GALNT2: variants seen among roughly 807,000 people sequenced by gnomAD.
GALNT2 encodes the protein UDP-GalNAc:polypeptide N-acetylgalactosaminyltransferase 2.
In GALNT2, 31 loss-of-function variants were observed where a neutral mutation model predicts 81.4. The observed-to-expected ratio is 0.38, with a 90% CI of 0.29 to 0.51. GALNT2 has a LOEUF of 0.51. GALNT2 is among the 20% of genes least tolerant of loss of function. The pLI is 0.87. For missense variants in GALNT2, 629 were observed against 765.7 expected (o/e 0.82, Z 2.11); for synonymous variants, 303 against 287.4 (o/e 1.05, Z -0.55).
intron 1 of GALNT2, among the ~76,000 whole-genome samples, chr1:230,077,279 T>A (rs972754225): frequency 2.0e-5 from 3 of 152,204 alleles, no homozygotes; most frequent in Non-Finnish European, 1.5e-5. Flanking sequence ...CGCACTCTCC[T>A]TCCCCTCCTG....
chr1:230,187,270 C>A (rs568159041), intron 2 of GALNT2, among the ~76,000 whole-genome samples: 6 of 152,368 alleles, frequency 3.9e-5, no homozygotes, highest in Middle Eastern at 3.4e-3. Context: ...CTCCCACACA[C>A]ATATGTATTA....
At position 230,183,384 on chromosome 1, in the gene GALNT2, G is replaced by A. The variant is rs139736874; in HGVS notation, c.220+5073G>A. Among the ~76,000 whole-genome samples, 102 of 151,610 alleles carry A rather than the reference G, an allele frequency of 6.7e-4. No individual in the cohort carries two copies. The East Asian group carries it at 0.017, about 25-fold the overall frequency. On this transcript the variant is annotated intron_variant, in intron 2 of 15. Transcript: ENST00000366672. ...TTTCACACTTTTTCTGCCTTTTGTC[G>A]TTTTAATTGAGCTTTCTGTATGATC... is the stretch of plus-strand genomic sequence containing the variant.
Position 230,280,001 on chromosome 1 carries a change from C to T in GALNT2, c.*543C>T, listed in dbSNP as rs1192275029. 11 of 456,066 alleles carry T rather than the reference C, an allele frequency of 2.4e-5. No individual in the cohort carries two copies. In the East Asian group the frequency reaches 6.2e-4, roughly 26 times the overall value. The allele number at this position is 456,066 out of a possible 1,614,324, so 28.3% of individuals were successfully genotyped here. A position where few individuals can be genotyped will look rare whatever the true frequency, so the allele number is the denominator to read the frequency against. On this transcript the variant is annotated 3_prime_UTR_variant, in exon 16 of 16. Coordinates refer to ENST00000366672, the MANE Select transcript of GALNT2 (RefSeq NM_004481.5). ...AAGTGTCTTCCTGGGCCAGACTCCC[C>T]TCCACCTCATGTACTTGCTATATTG... is the stretch of plus-strand genomic sequence containing the variant.
chr1:230,074,886 T>C (rs1315698516), intron 1 of GALNT2, among the ~76,000 whole-genome samples: 1 of 152,146 alleles, frequency 6.6e-6, no homozygotes, highest in African/African-American at 2.4e-5. Context: ...GGTTGTCTGG[T>C]GGAAGAGATC....
intron 3 of GALNT2, among the ~76,000 whole-genome samples, chr1:230,234,257 T>G (rs968529316): frequency 2.6e-5 from 4 of 152,070 alleles, no homozygotes; most frequent in African/African-American, 9.7e-5. Flanking sequence ...AGTCCCTCCC[T>G]GTGCTTCTGA....
At chr1:230,162,082 T>G (rs1662453565) in intron 1 of GALNT2, among the ~76,000 whole-genome samples, 1 of 152,206 alleles carries the variant, frequency 6.6e-6, no homozygotes, top group South Asian at 2.1e-4. Context: ...GCTGGTAAGA[T>G]TCAGGATTAT....
chr1:230,236,458 C>G (rs1665034910), intron 5 of GALNT2, 38 bp downstream of exon 5: 5 of 1,593,542 alleles, frequency 3.1e-6, no homozygotes, highest in South Asian at 1.1e-5. Flanking sequence ...GTGTCTGGCT[C>G]TTCTCTGGGC....
At chr1:230,172,582 T>G (rs1662828832) in intron 1 of GALNT2, among the ~76,000 whole-genome samples, 1 of 152,242 alleles carries the variant, frequency 6.6e-6, no homozygotes, top group Non-Finnish European at 1.5e-5. Context: ...CACAGTGCCC[T>G]GCACGCATAG....
chr1:230,249,358 C>G, intron 9 of GALNT2, 87 bp downstream of exon 9: 1 of 1,152,998 alleles, frequency 8.7e-7, no homozygotes, highest in Non-Finnish European at 1.3e-6. Flanking sequence ...CCTGGAGACC[C>G]AGTGGGGGCT....
intron 1 of GALNT2, among the ~76,000 whole-genome samples, chr1:230,158,233 A>G (rs1662322219): frequency 6.6e-6 from 1 of 152,018 alleles, no homozygotes; most frequent in Non-Finnish European, 1.5e-5. Context: ...TGTGTGAGGG[A>G]TGAGTAGCGT....
chr1:230,140,431 C>T (rs1661693587), intron 1 of GALNT2, among the ~76,000 whole-genome samples: 1 of 152,252 alleles, frequency 6.6e-6, no homozygotes, highest in Admixed American at 6.5e-5. Flanking sequence ...CCCTGGACAG[C>T]AGTGCCTAGG....
intron 2 of GALNT2, among the ~76,000 whole-genome samples, chr1:230,197,431 C>G (rs1460421706): frequency 6.6e-6 from 1 of 152,176 alleles, no homozygotes; most frequent in East Asian, 1.9e-4. Flanking sequence ...TGCTCGCCCC[C>G]CCGGGGTCAG....
chr1:230,268,116 C>T (rs939762082), intron 14 of GALNT2, among the ~76,000 whole-genome samples: 16 of 152,112 alleles, frequency 1.1e-4, no homozygotes, highest in African/African-American at 3.6e-4. Flanking sequence ...GAAAATCCAC[C>T]GAAATGCCCT....
At chr1:230,240,020 A>G (rs978898708) in intron 6 of GALNT2, among the ~76,000 whole-genome samples, 2 of 152,206 alleles carry the variant, frequency 1.3e-5, no homozygotes, top group Non-Finnish European at 2.9e-5. Flanking sequence ...CCCACAATAC[A>G]CTGTTACATT....
chr1:230,236,377 T>C lies in GALNT2; in HGVS notation c.498T>C (p.His166=). ...GCGTGCTTAAGAAAAGCCCGCCCCA[T>C]CTCATAAAAGAAATCATCTTGGTGG... ...VVSVLKKSPP[H]LIKEIILVDD... The change falls in exon 5 of 16, where the codon CAT becomes CAC. Residue 166 remains histidine (H), a synonymous_variant. Transcript: ENST00000366672. 1.2e-6 allele frequency: 2 copies of C among 1,614,100 alleles called. No homozygotes were observed. Among genetic ancestry groups the C allele is most frequent in the Non-Finnish European group, 1.7e-6 (2 of 1,179,976 alleles).
intron 1 of GALNT2, among the ~76,000 whole-genome samples, chr1:230,096,199 C>G (rs1660250534): frequency 6.6e-6 from 1 of 152,230 alleles, no homozygotes; most frequent in African/African-American, 2.4e-5. Context: ...TTGCTAGCAC[C>G]TGCCAGCTGA....
chr1:230,105,340 G>A (rs898023933), intron 1 of GALNT2, among the ~76,000 whole-genome samples: 1 of 152,210 alleles, frequency 6.6e-6, no homozygotes, highest in Non-Finnish European at 1.5e-5. Context: ...GACCAGAGCC[G>A]AGCTCTGGGG....
At chr1:230,218,893 C>T (rs559638870) in intron 3 of GALNT2, among the ~76,000 whole-genome samples, 95 of 152,196 alleles carry the variant, frequency 6.2e-4, no homozygotes, top group Non-Finnish European at 1.0e-3. Flanking sequence ...CAAACATTAC[C>T]GCCTGAGCTC....
chr1:230,173,902 G>C (rs1308143137), intron 1 of GALNT2, among the ~76,000 whole-genome samples: 1 of 152,126 alleles, frequency 6.6e-6, no homozygotes, highest in Non-Finnish European at 1.5e-5. Flanking sequence ...AGTAGGGCGA[G>C]GATTTTTTTT....
Sources: allele counts gnomAD v4.1 joint callset (sites outside exome capture counted in the v4.1 genomes callset), GRCh38; gene constraint gnomAD v4.1.1; transcripts MANE v1.5; gene names NCBI Gene and HGNC (gene_info 2026-07-23, HGNC 2026-07-21).